ACSL6: variants seen among roughly 807,000 people sequenced by gnomAD.
ACSL6 encodes acyl-CoA synthetase long chain family member 6.
ACSL6 carries 47 observed loss-of-function variants against 98.2 expected under a neutral mutation model. The observed-to-expected ratio is 0.48, with a 90% CI of 0.38 to 0.61. ACSL6 has a LOEUF of 0.61. Among genes scored for constraint, ACSL6 ranks in the 20% least tolerant of loss-of-function variants. The pLI, the probability that ACSL6 is intolerant of heterozygous loss-of-function variation, is 0.00. For synonymous variants in ACSL6, 362 were observed against 336.9 expected, an observed-to-expected ratio of 1.07 and a Z score of -0.82; for missense variants, 761 against 913.4, an observed-to-expected ratio of 0.83 and a Z score of 2.15.
At chr5:131,989,303 T>C in intron 5 of ACSL6, 104 bp downstream of exon 5, 1 of 1,144,182 alleles carries the variant, frequency 8.7e-7, no homozygotes, top group Non-Finnish European at 1.3e-6. Context: ...GTCTCTGTTT[T>C]TTCTTTTGTC....
intron 7 of ACSL6, 96 bp from the exon 8 acceptor site, chr5:131,986,950 TACACATACACACAC>T: frequency 8.3e-7 from 1 of 1,205,330 alleles, no homozygotes. Flanking sequence ...CACACGCACA[TACACATACACACAC>T]ACACATACCC....
In ACSL6 at chr5:132,011,397, G is replaced by A. The variant is rs1755719141; in HGVS notation, c.49+108C>T. ...ACCTTGACGGGACAGCTCAGCAGCA[G>A]GGGATGGGGGCTCGGCGGCCGCGGA... On this transcript the variant is annotated intron_variant, in intron 1 of 20. Coordinates refer to ENST00000651883, the MANE Select transcript of ACSL6 (RefSeq NM_001009185.3). This position sits in a 1 kb window ranked among gnomAD's most constrained non-coding sequence, Gnocchi z 5.4. The A allele has an allele frequency of 8.2e-7, 1 of 1,217,042 alleles. No homozygotes were observed. The highest frequency in any genetic ancestry group is 1.5e-5 in the African/African-American group (1 of 66,198). 75.4% of individuals were successfully genotyped at this position (1,217,042 alleles called of 1,614,324 possible).
At chr5:131,978,090 C>A (rs899030205) in intron 9 of ACSL6, among the ~76,000 whole-genome samples, 2 of 152,310 alleles carry the variant, frequency 1.3e-5, no homozygotes. Flanking sequence ...GGTTGTAAAA[C>A]GAAAAGAAAC....
At chr5:131,975,396 C>T in intron 10 of ACSL6, 1 of 985,454 alleles carries the variant, frequency 1.0e-6, no homozygotes, top group Non-Finnish European at 1.2e-6. Context: ...ACCTGCAGGA[C>T]CTGCCCCACA....
chr5:131,992,180 C>A (rs1754560862), intron 2 of ACSL6, among the ~76,000 whole-genome samples: 1 of 152,146 alleles, frequency 6.6e-6, no homozygotes, highest in African/African-American at 2.4e-5. Context: ...GCAGGAGGCA[C>A]AGGTGCATTT....
Position 131,966,399 on chromosome 5 carries a change from G to A in ACSL6, c.1713+17C>T, listed in dbSNP as rs755362870. ...ACTGCCAAATGTTTGGAGCTCCGTG[G>A]TTCCAAACATACACACCGGCAGCCA... On this transcript the variant is annotated intron_variant, in intron 17 of 20. Coordinates refer to ENST00000651883, the MANE Select transcript of ACSL6 (RefSeq NM_001009185.3). 3 of 1,613,014 alleles carry A rather than the reference G, an allele frequency of 1.9e-6. No individual in the cohort carries two copies. The South Asian group carries it at 3.3e-5, about 18-fold the overall frequency.
rs373328179 is a variant in ACSL6, at chr5:131,973,383, G to A, written c.1086C>T (p.His362=). Residue 362 remains histidine, a synonymous_variant, in exon 12 of 21, where the codon CAC becomes CAT. Coordinates refer to ENST00000651883, the MANE Select transcript of ACSL6 (RefSeq NM_001009185.3). ...ERVIQSVVYC[H]GGRVGFFQGD... ...CCTGGAAGAAGCCAACACGCCCTCC[G>A]TGGCAATAGACGACAGACTAGAAAG... 1.9e-5 allele frequency: 31 copies of A among 1,614,142 alleles called. No homozygotes were observed. Among genetic ancestry groups the A allele is most frequent in the South Asian group, 1.1e-4 (10 of 91,086 alleles).
intron 11 of ACSL6, chr5:131,973,718 C>A: frequency 4.1e-6 from 1 of 241,084 alleles, no homozygotes; most frequent in East Asian, 9.1e-5. Context: ...ATGGGCCTCC[C>A]TGGGGACTCA....
rs185162592 is a variant in ACSL6 at position 131,960,543 on chromosome 5, A to G, written c.1936T>C (p.Tyr646His). ...WAQKRGIEGT[Y>H]ADLCTNKDLK... ...ACCTTATTTGTGCAGAGATCTGCAT[A>G]TGTTCCTTCAATTCCTCTCTTCTGG... The change falls in exon 19 of 21, where the codon TAT (tyrosine) becomes CAT (histidine). Residue 646 changes from tyrosine (Y) to histidine (H), a missense_variant. Tyr to His is a moderately conservative substitution (Grantham distance 83, BLOSUM62 2). Coordinates refer to ENST00000651883, the MANE Select transcript of ACSL6 (RefSeq NM_001009185.3). 271 of 1,613,954 alleles carry G rather than the reference A, an allele frequency of 1.7e-4. No individual in the cohort carries two copies. Among genetic ancestry groups the G allele is most frequent in the Non-Finnish European group, 1.7e-6 (2 of 1,180,004 alleles).
At chr5:131,964,080 G>T (rs1197363294) in intron 17 of ACSL6, among the ~76,000 whole-genome samples, 6 of 152,134 alleles carry the variant, frequency 3.9e-5, no homozygotes, top group Non-Finnish European at 8.8e-5. Context: ...CTTTATAGAT[G>T]ATTTCTACCT....
intron 13 of ACSL6, 32 bp from the exon 14 acceptor site, chr5:131,971,677 G>A (rs912998993): frequency 1.9e-6 from 3 of 1,569,426 alleles, no homozygotes; most frequent in Admixed American, 1.8e-5. Context: ...GCCAAATTTT[G>A]TGATGTCTGA....
chr5:132,006,646 ATC>A (rs1277833785), intron 1 of ACSL6: 1 of 152,228 alleles, frequency 6.6e-6, no homozygotes, highest in Non-Finnish European at 1.5e-5. Flanking sequence ...CAAGCTCCCA[ATC>A]TGTCAGGTGA....
At chr5:131,982,942 A>G (rs1199175681) in intron 9 of ACSL6, 1 of 152,256 alleles carries the variant, frequency 6.6e-6, no homozygotes, top group Non-Finnish European at 1.5e-5. Context: ...CTATGCCCTC[A>G]GCACCTAATG....
chr5:131,978,800 G>T (rs1205431625), intron 9 of ACSL6, among the ~76,000 whole-genome samples: 1 of 152,174 alleles, frequency 6.6e-6, no homozygotes, highest in African/African-American at 2.4e-5. Context: ...ATCCCAGGAG[G>T]CCTACTTGTT....
intron 11 of ACSL6, 112 bp from the exon 12 acceptor site, chr5:131,973,512 C>T: frequency 2.6e-6 from 3 of 1,157,404 alleles, no homozygotes; most frequent in South Asian, 3.4e-5. Context: ...ACCCCCTGAC[C>T]CAGCTCTGGC....
chr5:132,008,273 C>G (rs1291658641), intron 1 of ACSL6, among the ~76,000 whole-genome samples: 1 of 152,204 alleles, frequency 6.6e-6, no homozygotes, highest in Non-Finnish European at 1.5e-5. Context: ...AATGGGAGCC[C>G]AGAGTGGGGT....
At chr5:131,976,352 T>G in intron 10 of ACSL6, 1 of 537,132 alleles carries the variant, frequency 1.9e-6, no homozygotes, top group Non-Finnish European at 2.4e-6. Flanking sequence ...TTTTTGAAGT[T>G]ATTTGAAGTT....
Position 132,009,904 on chromosome 5 carries a change from C to T in ACSL6, c.49+1601G>A, listed in dbSNP as rs145078266. ...TCCCTGCAGCCACAGAAGATCAAGT[C>T]TTCAGAGAGCTGACCTTGGACCCAT... is the stretch of plus-strand genomic sequence containing the variant. On this transcript the variant is annotated intron_variant, in intron 1 of 20. Coordinates refer to ENST00000651883, the MANE Select transcript of ACSL6 (RefSeq NM_001009185.3). Among the ~76,000 whole-genome samples the T allele has an allele frequency of 6.6e-3, 1,012 of 152,270 alleles. 5 individuals are homozygous for T. Among genetic ancestry groups the T allele is most frequent in the African/African-American group, 0.023 (975 of 41,546 alleles).
At chr5:131,976,557 A>T in intron 10 of ACSL6, 91 bp downstream of exon 10, 3 of 1,178,480 alleles carry the variant, frequency 2.5e-6, no homozygotes, top group Non-Finnish European at 3.6e-6. Context: ...AAAAAAAAAA[A>T]GAAAAAGAAA....
Sources: gnomAD v4.1 joint callset for allele counts (sites outside exome capture counted in the v4.1 genomes callset) on GRCh38, gnomAD v4.1.1 for gene constraint, Gnocchi (gnomAD v3.1) non-coding constraint, MANE v1.5 for transcripts, NCBI Gene and HGNC (gene_info 2026-07-23, HGNC 2026-07-21) for gene names.